The following FER variants were observed in gnomAD, a reference collection of about 807,000 sequenced individuals.
FER encodes tyrosine-protein kinase Fer.
FER carries 63 observed loss-of-function variants against 111.0 expected under a neutral mutation model. That is an observed-to-expected ratio of 0.57 (90% confidence interval 0.46 to 0.70). The LOEUF (loss-of-function observed/expected upper bound fraction) is 0.70, where lower values mean the gene tolerates loss of function less well. FER is among the 30% of genes least tolerant of loss of function. The probability of loss-of-function intolerance (pLI) is 0.00; values close to 1 mark genes in which losing one functional copy is unlikely to be tolerated. For missense variants in FER, 914 were observed against 954.0 expected (o/e 0.96, Z 0.55); for synonymous variants, 327 against 313.9 (o/e 1.04, Z -0.44).
intron 13 of FER, among the ~76,000 whole-genome samples, chr5:109,032,404 C>G (rs757464177): frequency 1.3e-5 from 2 of 152,144 alleles, no homozygotes; most frequent in South Asian, 2.1e-4. Context: ...AATAGCTTAC[C>G]TTATTGGTTG....
chr5:109,149,167 G>A (rs1019201607), intron 17 of FER, among the ~76,000 whole-genome samples: 2 of 152,104 alleles, frequency 1.3e-5, no homozygotes, highest in Admixed American at 1.3e-4. Context: ...GTGACCATAT[G>A]TGTAACGTTA....
At chr5:109,026,689 A>T (rs552302837) in intron 13 of FER, among the ~76,000 whole-genome samples, 1 of 152,150 alleles carries the variant, frequency 6.6e-6, no homozygotes, top group Non-Finnish European at 1.5e-5. Flanking sequence ...TTTGTTAATT[A>T]TTCTTTCTTT....
intron 8 of FER, among the ~76,000 whole-genome samples, chr5:108,872,579 T>C (rs41508849): frequency 0.22 from 33,082 of 152,052 alleles, 3,766 homozygotes; most frequent in African/African-American, 0.27. Context: ...AGAGACTTAT[T>C]GATGTCAGAG....
chr5:109,100,304 G>C, intron 16 of FER, 92 bp from the exon 17 acceptor site: 6 of 1,483,586 alleles, frequency 4.0e-6, no homozygotes, highest in Non-Finnish European at 5.5e-6. Flanking sequence ...AATGCATTTT[G>C]CTCTGTCAAA....
At chr5:109,145,615 G>C (rs1754001528) in intron 17 of FER, among the ~76,000 whole-genome samples, 2 of 151,988 alleles carry the variant, frequency 1.3e-5, no homozygotes. Flanking sequence ...GAGGCATCTT[G>C]ATTGCCAGCA....
At chr5:108,853,901 TGA>T (rs1392583140) in intron 5 of FER, among the ~76,000 whole-genome samples, 1 of 152,148 alleles carries the variant, frequency 6.6e-6, no homozygotes, top group African/African-American at 2.4e-5. Flanking sequence ...TAGTCTGAAA[TGA>T]GAGAGGAAGG....
chr5:109,075,214 C>A (rs572082299), intron 16 of FER, among the ~76,000 whole-genome samples: 1 of 151,930 alleles, frequency 6.6e-6, no homozygotes, highest in Non-Finnish European at 1.5e-5. Context: ...CTAGTTAAGA[C>A]TTAGAAAAAA....
At chr5:109,091,386 TTGGTGGTGTCCATA>T in intron 16 of FER, among the ~76,000 whole-genome samples, 1 of 152,320 alleles carries the variant, frequency 6.6e-6, no homozygotes, top group South Asian at 2.1e-4. Flanking sequence ...GCCATAAACC[TTGGTGGTGTCCATA>T]TGGTGCTAAC....
rs1487827199 is a variant in FER at position 109,147,800 on chromosome 5, T to TATAG, written c.2049-32946_2049-32945insTAGA. On this transcript the variant is annotated intron_variant, in intron 17 of 19. Coordinates refer to ENST00000281092, the MANE Select transcript of FER (RefSeq NM_005246.4). ...ACATACATATATATATATATATATA[T>TATAG]AGAGAGAGAGAGAGAGAGAGAGAGA... Among the ~76,000 whole-genome samples the TATAG allele has an allele frequency of 4.0e-3, 472 of 118,566 alleles. 1 individual carries two copies. Among genetic ancestry groups the TATAG allele is most frequent in the African/African-American group, 6.6e-3 (204 of 31,052 alleles). 77.8% of individuals were successfully genotyped at this position (118,566 alleles called of 152,430 possible).
chr5:108,889,384 A>C (rs1245865682), intron 9 of FER, among the ~76,000 whole-genome samples: 2 of 151,812 alleles, frequency 1.3e-5, no homozygotes, highest in Non-Finnish European at 2.9e-5. Flanking sequence ...AAAGAATGAG[A>C]TCCTGTCATT....
intron 10 of FER, among the ~76,000 whole-genome samples, chr5:108,917,044 A>G (rs1439675192): frequency 1.3e-5 from 2 of 152,138 alleles, no homozygotes; most frequent in African/African-American, 4.8e-5. Context: ...TGTATTAAAC[A>G]TGTATTTAAT....
intron 5 of FER, among the ~76,000 whole-genome samples, chr5:108,844,079 T>TATATATGTGTGTGAACAC (rs1761582424): frequency 1.4e-5 from 2 of 144,402 alleles, no homozygotes; most frequent in Non-Finnish European, 3.0e-5. Flanking sequence ...TGTGTGAACA[T>TATATATGTGTGTGAACAC]ATATGCGTGT....
chr5:109,139,875 G>A (rs1753338295), intron 17 of FER, among the ~76,000 whole-genome samples: 3 of 152,142 alleles, frequency 2.0e-5, no homozygotes, highest in Admixed American at 6.5e-5. Flanking sequence ...GATCTACACC[G>A]TGCTAGATGG....
chr5:108,914,882 G>C (rs893502169), intron 10 of FER, among the ~76,000 whole-genome samples: 2 of 152,176 alleles, frequency 1.3e-5, no homozygotes, highest in Non-Finnish European at 2.9e-5. Flanking sequence ...GAGAAGGCTT[G>C]GGAAAAGCTC....
chr5:108,756,806 T>G (rs1751167063), intron 1 of FER, among the ~76,000 whole-genome samples: 1 of 152,158 alleles, frequency 6.6e-6, no homozygotes, highest in Non-Finnish European at 1.5e-5. Flanking sequence ...TGTTTTTGTA[T>G]AGTTCTTTTT....
In FER at chr5:109,195,788, T is replaced by C. The variant is rs1562024663; in HGVS notation, c.*8213T>C. 1.3e-5 allele frequency: 2 copies of C among 152,344 alleles called. No individual in the cohort carries two copies. Among genetic ancestry groups the C allele is most frequent in the East Asian group, 3.9e-4 (2 of 5,194 alleles). The allele number at this position is 152,344 out of a possible 1,614,324, so 9.4% of individuals were successfully genotyped here. A position where few individuals can be genotyped will look rare whatever the true frequency, so the allele number is the denominator to read the frequency against. On this transcript the variant is annotated 3_prime_UTR_variant, in exon 20 of 20. Transcript: ENST00000281092. ...TCATTCTTTACAGAGCATTGAGGTTTCCCACTGAAACAGCTTCTTTAGTCA... is the reference window on the plus strand; with the variant it reads ...TCATTCTTTACAGAGCATTGAGGTTCCCCACTGAAACAGCTTCTTTAGTCA...
chr5:109,062,585 A>G (rs1774563256), intron 16 of FER, among the ~76,000 whole-genome samples: 1 of 152,098 alleles, frequency 6.6e-6, no homozygotes, highest in South Asian at 2.1e-4. Context: ...TATGTAGTCT[A>G]GACAGCTGTC....
chr5:108,924,594 C>T (rs1028327805), intron 10 of FER: 1 of 1,230,096 alleles, frequency 8.1e-7, no homozygotes, highest in Non-Finnish European at 1.0e-6. Context: ...TTGCCTCACA[C>T]AGGAAGGTTT....
intron 10 of FER, among the ~76,000 whole-genome samples, chr5:108,935,486 G>T (rs1755333684): frequency 6.6e-6 from 1 of 152,128 alleles, no homozygotes; most frequent in East Asian, 1.9e-4. Context: ...TGCAAAACTT[G>T]CTTTTCCAAA....
Sources: gnomAD v4.1 joint callset for allele counts (sites outside exome capture counted in the v4.1 genomes callset) on GRCh38, gnomAD v4.1.1 for gene constraint, MANE v1.5 for transcripts, NCBI Gene and HGNC (gene_info 2026-07-23, HGNC 2026-07-21) for gene names.